USP15: variants seen among roughly 807,000 people sequenced by gnomAD.
USP15 encodes the protein ubiquitin carboxyl-terminal hydrolase 15.
A neutral mutation model predicts 127.1 loss-of-function variants in USP15; 18 were observed. The observed-to-expected ratio is 0.14, with a 90% CI of 0.10 to 0.21. The LOEUF (loss-of-function observed/expected upper bound fraction) is 0.21, where lower values mean the gene tolerates loss of function less well. Among genes scored for constraint, USP15 ranks in the 10% least tolerant of loss-of-function variants. The probability of loss-of-function intolerance (pLI) is 1.00; values close to 1 mark genes in which losing one functional copy is unlikely to be tolerated. For synonymous variants in USP15, 364 were observed against 393.7 expected (o/e 0.92, Z 0.89); for missense variants, 805 against 1,159.9 (o/e 0.69, Z 4.44).
chr12:62,321,677 T>A lies in USP15; in HGVS notation c.621+68T>A, dbSNP rs2064987653. ...TTGGATTCACAAACTTTAATAATTA[T>A]CCTGGCAATATATAATGGGCTGTAC... On this transcript the variant is annotated intron_variant, in intron 5 of 21. Transcript: ENST00000280377. 3.0e-6 allele frequency: 4 copies of A among 1,325,418 alleles called. No homozygotes were observed. The South Asian group carries it at 7.7e-5, about 26-fold the overall frequency. The allele number at this position is 1,325,418 out of a possible 1,614,324, so 82.1% of individuals were successfully genotyped here.
intron 4 of USP15, among the ~76,000 whole-genome samples, chr12:62,316,805 TAAG>T (rs759066978): frequency 5.9e-5 from 9 of 152,184 alleles, no homozygotes; most frequent in Admixed American, 2.0e-4. Context: ...GTTCTCATGA[TAAG>T]AACTGTGTAA....
At chr12:62,318,578 G>A (rs1447604729) in intron 4 of USP15, among the ~76,000 whole-genome samples, 2 of 151,802 alleles carry the variant, frequency 1.3e-5, no homozygotes, top group Non-Finnish European at 2.9e-5. Flanking sequence ...CCTTTCCTTG[G>A]TGATTTCTTT....
At chr12:62,396,668 C>G (rs7963950) in intron 20 of USP15, among the ~76,000 whole-genome samples, 34,055 of 151,846 alleles carry the variant, frequency 0.22, 4,163 homozygotes, top group African/African-American at 0.34. Flanking sequence ...TTCTCCTTCC[C>G]CTTTGCTTTC....
intron 7 of USP15, among the ~76,000 whole-genome samples, chr12:62,352,511 G>C (rs73136852): frequency 0.012 from 1,817 of 151,872 alleles, 18 homozygotes; most frequent in Non-Finnish European, 0.019. Context: ...TATTTTTAAC[G>C]TGTTTATTGT....
chr12:62,284,257 G>A (rs2063731333), intron 1 of USP15, among the ~76,000 whole-genome samples: 1 of 152,170 alleles, frequency 6.6e-6, no homozygotes, highest in African/African-American at 2.4e-5. Context: ...TGCGAAGAAA[G>A]CAAGTCGAAT....
intron 2 of USP15, among the ~76,000 whole-genome samples, chr12:62,300,475 T>TC (rs749337955): frequency 3.3e-5 from 5 of 152,126 alleles, no homozygotes; most frequent in Non-Finnish European, 7.4e-5. Context: ...AATTTTAAAA[T>TC]AAAATCATAG....
chr12:62,376,898 CAT>C lies in USP15; in HGVS notation c.916-4587_916-4586del, dbSNP rs1000139363. 5.3e-5 allele frequency among the ~76,000 whole-genome samples: 8 copies of C among 152,154 alleles called. No individual in the cohort carries two copies. The South Asian group carries it at 6.2e-4, about 12-fold the overall frequency. ...ACCTACACATGGAAGATTTTTAAAACATATATGTCTTTAAGAAAAGAATTGTT... is the reference window on the plus strand; with the variant it reads ...ACCTACACATGGAAGATTTTTAAAACATATGTCTTTAAGAAAAGAATTGTT... On this transcript the variant is annotated intron_variant, in intron 8 of 21. Transcript: ENST00000280377.
At chr12:62,353,974 G>T (rs2066041220) in intron 7 of USP15, among the ~76,000 whole-genome samples, 1 of 151,906 alleles carries the variant, frequency 6.6e-6, no homozygotes, top group Admixed American at 6.6e-5. Flanking sequence ...TTATCTCAGG[G>T]TGGATTATTT....
intron 6 of USP15, among the ~76,000 whole-genome samples, chr12:62,332,185 GT>G (rs1350087499): frequency 2.7e-5 from 4 of 149,966 alleles, no homozygotes; most frequent in African/African-American, 9.8e-5. Context: ...AAAAAAAAAA[GT>G]TTTCTAACTG....
chr12:62,268,329 C>T (rs1002278810), intron 1 of USP15, among the ~76,000 whole-genome samples: 3 of 151,992 alleles, frequency 2.0e-5, no homozygotes, highest in Non-Finnish European at 4.4e-5. Flanking sequence ...TGTGATAGAG[C>T]CATACCCAGA....
intron 3 of USP15, among the ~76,000 whole-genome samples, chr12:62,304,370 A>C (rs778044698): frequency 3.3e-5 from 5 of 152,232 alleles, no homozygotes; most frequent in Non-Finnish European, 7.3e-5. Context: ...GCTATATTAC[A>C]TTGCGTGGAG....
At chr12:62,330,040 G>A (rs185871080) in intron 6 of USP15, among the ~76,000 whole-genome samples, 1 of 152,172 alleles carries the variant, frequency 6.6e-6, no homozygotes, top group African/African-American at 2.4e-5. Context: ...AAATGAAATG[G>A]GAGTAACAAT....
chr12:62,307,586 G>A lies in USP15; in HGVS notation c.348+4666G>A, dbSNP rs532540354. ...CCCCTTATCTATGGTTTTGCTTTCC[G>A]CGATTTCAGTTACCTGCAAGCAACC... On this transcript the variant is annotated intron_variant, in intron 3 of 21. Coordinates refer to ENST00000280377, the MANE Select transcript of USP15 (RefSeq NM_001252078.2). 1.7e-4 allele frequency among the ~76,000 whole-genome samples: 26 copies of A among 152,146 alleles called. No homozygotes were observed. The South Asian group carries it at 3.9e-3, about 23-fold the overall frequency.
At chr12:62,309,462 T>C (rs1248543550) in intron 3 of USP15, among the ~76,000 whole-genome samples, 2 of 152,060 alleles carry the variant, frequency 1.3e-5, no homozygotes, top group African/African-American at 4.8e-5. Context: ...CCAAGAAAGC[T>C]TTACCAGTGT....
chr12:62,264,548 G>A (rs1331864525), intron 1 of USP15, among the ~76,000 whole-genome samples: 1 of 152,164 alleles, frequency 6.6e-6, no homozygotes, highest in Non-Finnish European at 1.5e-5. Flanking sequence ...TGTGTGTGAA[G>A]TCATTTAAAA....
intron 3 of USP15, among the ~76,000 whole-genome samples, chr12:62,305,426 T>C (rs1394415700): frequency 6.6e-6 from 1 of 152,132 alleles, no homozygotes; most frequent in African/African-American, 2.4e-5. Context: ...CAATGTAGGA[T>C]TCTGTGACTA....
chr12:62,320,687 A>G (rs187370885), intron 4 of USP15, among the ~76,000 whole-genome samples: 30 of 152,308 alleles, frequency 2.0e-4, no homozygotes, highest in Admixed American at 1.2e-3. Context: ...AGATAGTATT[A>G]TTGGACTAAA....
At chr12:62,371,400 A>G (rs1456974362) in intron 8 of USP15, among the ~76,000 whole-genome samples, 2 of 152,172 alleles carry the variant, frequency 1.3e-5, no homozygotes, top group Non-Finnish European at 2.9e-5. Flanking sequence ...CAGTGTTAGT[A>G]TAGTACCAGA....
At position 62,321,558 on chromosome 12, in the gene USP15, A is replaced by T; in HGVS notation, c.570A>T (p.Pro190=). ...AATACATGAGTAACACATTTGAACC[A>T]CTGAATAAACCAGACAGCACCATTC... ...WNKYMSNTFE[P]LNKPDSTIQD... Residue 190 remains proline, a synonymous_variant, in exon 5 of 22, where the codon CCA becomes CCT. Coordinates refer to ENST00000280377, the MANE Select transcript of USP15 (RefSeq NM_001252078.2). The T allele has an allele frequency of 6.2e-7, 1 of 1,610,622 alleles. No homozygotes were observed. Among genetic ancestry groups the T allele is most frequent in the Non-Finnish European group, 8.5e-7 (1 of 1,178,276 alleles).
Sources: allele counts gnomAD v4.1 joint callset (sites outside exome capture counted in the v4.1 genomes callset), GRCh38; gene constraint gnomAD v4.1.1; transcripts MANE v1.5; gene names NCBI Gene and HGNC (gene_info 2026-07-23, HGNC 2026-07-21).